Variants in DYNC2I1 observed in about 807,000 individuals in gnomAD.
DYNC2I1 encodes the protein dynein 2 intermediate chain 1.
Under a neutral mutation model 133.4 loss-of-function variants are expected in DYNC2I1, and 89 were observed. That is an observed-to-expected ratio of 0.67 (90% CI 0.56 to 0.80). The LOEUF is 0.80. Ranked by LOEUF, DYNC2I1 falls within the 30% of genes least tolerant of loss-of-function variation. The pLI is 0.00. For missense variants in DYNC2I1, 1,291 were observed against 1,314.5 expected (o/e 0.98, Z 0.28); for synonymous variants, 504 against 484.3 (o/e 1.04, Z -0.54).
At chr7:158,918,989 GAAAGA>G in intron 15 of DYNC2I1, 120 bp downstream of exon 15, 1 of 1,131,718 alleles carries the variant, frequency 8.8e-7, no homozygotes, top group Non-Finnish European at 1.2e-6. Context: ...ATAAAACTGA[GAAAGA>G]CTGAGTTTCT....
At chr7:158,903,514 C>A (rs542593442) in intron 10 of DYNC2I1, 11 of 152,184 alleles carry the variant, frequency 7.2e-5, no homozygotes, top group Non-Finnish European at 1.3e-4. Flanking sequence ...CAGAATGATT[C>A]TTTGTCTCAC....
At chr7:158,848,526 G>A in the DYNC2I1 span, among the ~76,000 whole-genome samples, 7,884 of 152,268 alleles carry the variant, frequency 0.052, 253 homozygotes, top group African/African-American at 0.078. Context: ...TAAAGGACTC[G>A]CCCCAGAAGG....
At chr7:158,855,198 C>A (rs1841154668), upstream of DYNC2I1, among the ~76,000 whole-genome samples, 1 of 152,212 alleles carries the variant, frequency 6.6e-6, no homozygotes, top group Non-Finnish European at 1.5e-5. Flanking sequence ...AGCATTGAAG[C>A]ATTCAGGGAT....
At chr7:158,910,336 T>C (rs1160341387) in intron 11 of DYNC2I1, among the ~76,000 whole-genome samples, 7 of 134,848 alleles carry the variant, frequency 5.2e-5, no homozygotes, top group Admixed American at 7.3e-5. Context: ...GGTCTGTGGG[T>C]GGAGCATGAT....
chr7:158,915,957 A>T (rs62476484), intron 14 of DYNC2I1, among the ~76,000 whole-genome samples: 3 of 13,486 alleles, frequency 2.2e-4, no homozygotes, highest in East Asian at 6.4e-3. Flanking sequence ...ACGTTGACAC[A>T]GTGGTTGACA....
At chr7:158,930,084 C>G (rs549242910) in intron 20 of DYNC2I1, among the ~76,000 whole-genome samples, 4 of 152,180 alleles carry the variant, frequency 2.6e-5, no homozygotes, top group African/African-American at 9.7e-5. Context: ...GTTGGAGCCT[C>G]GGTGGACATT....
At chr7:158,891,172 G>A in intron 7 of DYNC2I1, 93 bp from the exon 8 acceptor site, 5 of 1,393,428 alleles carry the variant, frequency 3.6e-6, no homozygotes, top group Non-Finnish European at 5.1e-6. Context: ...GGGCTGGCGG[G>A]CTCCGCAGTG....
intron 7 of DYNC2I1, among the ~76,000 whole-genome samples, chr7:158,888,010 A>ACCATTGT (rs1844776179): frequency 7.0e-6 from 1 of 142,870 alleles, no homozygotes; most frequent in Non-Finnish European, 1.5e-5. Flanking sequence ...TTATTATCAA[A>ACCATTGT]CCATTGTCCT....
At chr7:158,897,688 A>C (rs1156317082) in intron 8 of DYNC2I1, among the ~76,000 whole-genome samples, 2 of 152,164 alleles carry the variant, frequency 1.3e-5, no homozygotes, top group African/African-American at 4.8e-5. Context: ...ATTTTCAAAA[A>C]AGACAGCTTT....
chr7:158,905,907 A>T (rs1846756283), intron 10 of DYNC2I1, 82 bp from the exon 11 acceptor site: 2 of 1,052,664 alleles, frequency 1.9e-6, no homozygotes, highest in Non-Finnish European at 2.8e-6. Context: ...ATATATGCCT[A>T]TAATTGTTTT....
intron 1 of DYNC2I1, among the ~76,000 whole-genome samples, chr7:158,868,630 G>A (rs1027241998): frequency 6.6e-6 from 1 of 152,234 alleles, no homozygotes; most frequent in African/African-American, 2.4e-5. Context: ...GCCCTGGAGG[G>A]CCAGAGACAC....
chr7:158,880,922 G>A (rs1322327758), intron 5 of DYNC2I1, among the ~76,000 whole-genome samples: 1 of 152,162 alleles, frequency 6.6e-6, no homozygotes, highest in Admixed American at 6.5e-5. Context: ...GAGTCAGGTG[G>A]TATCTGAGGC....
intron 1 of DYNC2I1, among the ~76,000 whole-genome samples, chr7:158,858,824 CCCTCCCCCCTCCCCTTTCCCCTCCCTT>C (rs1841570511): frequency 1.3e-5 from 1 of 78,572 alleles, no homozygotes; most frequent in Non-Finnish European, 2.4e-5. Flanking sequence ...CTTTCCTCTC[CCCTCCCCCCTCCCCTTTCCCCTCCCTT>C]CCTCTCCCCT....
intron 11 of DYNC2I1, among the ~76,000 whole-genome samples, chr7:158,907,993 T>C (rs1847017695): frequency 6.6e-6 from 1 of 152,124 alleles, no homozygotes; most frequent in South Asian, 2.1e-4. Flanking sequence ...GTAGATTATA[T>C]GGATTATTTT....
In DYNC2I1 at chr7:158,884,170, G is replaced by A. The variant is rs913059605; in HGVS notation, c.880-394G>A. ...CGCCATTCTCCTGCCTCAGCCTCCC[G>A]AGTAGCTGGGACTACAGGCGCCCGC... On this transcript the variant is annotated intron_variant, in intron 5 of 24. Transcript: ENST00000407559. Among the ~76,000 whole-genome samples the A allele has an allele frequency of 8.7e-5, 13 of 149,656 alleles. No homozygotes were observed. The East Asian group carries it at 2.4e-3, about 28-fold the overall frequency.
At chr7:158,859,525 C>T (rs1563066633) in intron 1 of DYNC2I1, among the ~76,000 whole-genome samples, 3 of 151,982 alleles carry the variant, frequency 2.0e-5, no homozygotes, top group African/African-American at 7.2e-5. Context: ...TTTTTTGAGA[C>T]AGAGTCTCGC....
intron 5 of DYNC2I1, among the ~76,000 whole-genome samples, chr7:158,882,816 C>T (rs185960928): frequency 6.7e-6 from 1 of 148,432 alleles, no homozygotes; most frequent in African/African-American, 2.5e-5. Context: ...GAAGAGGTTA[C>T]GGTGAACTGA....
At chr7:158,892,907 T>C (rs2657361) in intron 8 of DYNC2I1, among the ~76,000 whole-genome samples, 62,464 of 147,024 alleles carry the variant, frequency 0.42, 13,998 homozygotes, top group East Asian at 0.7. Flanking sequence ...CATTGTACTC[T>C]GGCCTGGGCA....
intron 14 of DYNC2I1, among the ~76,000 whole-genome samples, chr7:158,915,913 C>T (rs1186614897): frequency 8.0e-5 from 10 of 124,936 alleles, no homozygotes; most frequent in Admixed American, 1.6e-4. Flanking sequence ...TGTGAAACGT[C>T]GACACGCTGG....
Sources: allele counts gnomAD v4.1 joint callset (sites outside exome capture counted in the v4.1 genomes callset), GRCh38; gene constraint gnomAD v4.1.1; transcripts MANE v1.5; gene names NCBI Gene and HGNC (gene_info 2026-07-23, HGNC 2026-07-21).